The following NAALADL2 variants were observed in gnomAD, a reference collection of about 807,000 sequenced individuals.
The protein encoded by NAALADL2 is N-acetylated alpha-linked acidic dipeptidase like 2, also known as inactive N-acetylated-alpha-linked acidic dipeptidase-like protein 2.
Under a neutral mutation model 87.2 loss-of-function variants are expected in NAALADL2, and 76 were observed. That is an observed-to-expected ratio of 0.87 (90% CI 0.72 to 1.05). NAALADL2 has a LOEUF of 1.05. Among genes scored for constraint, NAALADL2 ranks in the 50% least tolerant of loss-of-function variants. NAALADL2 has a pLI of 0.00. For synonymous variants in NAALADL2, 354 were observed against 331.0 expected (o/e 1.07, Z -0.75); for missense variants, 1,089 against 945.8 (o/e 1.15, Z -1.99).
chr3:175,355,286 C>T (rs567673836), intron 5 of NAALADL2, among the ~76,000 whole-genome samples: 4 of 151,938 alleles, frequency 2.6e-5, no homozygotes, highest in East Asian at 3.9e-4. Flanking sequence ...AGGCTGGTCT[C>T]GAACTCCTGA....
chr3:175,148,845 C>A (rs995374301), intron 2 of NAALADL2, among the ~76,000 whole-genome samples: 2 of 152,010 alleles, frequency 1.3e-5, no homozygotes, highest in African/African-American at 4.8e-5. Flanking sequence ...TTTGCTGTAA[C>A]CTTAGAGAAT....
At chr3:174,532,649 C>T (rs567884032) in intron 1 of NAALADL2, among the ~76,000 whole-genome samples, 23 of 152,160 alleles carry the variant, frequency 1.5e-4, no homozygotes, top group Admixed American at 1.2e-3. Flanking sequence ...CGGTTGAGCC[C>T]CTGTTTCACT....
At chr3:175,202,829 C>T (rs1740250370) in intron 2 of NAALADL2, among the ~76,000 whole-genome samples, 1 of 151,930 alleles carries the variant, frequency 6.6e-6, no homozygotes, top group African/African-American at 2.4e-5. Context: ...GTTCCTATGT[C>T]AATGAAGTTG....
At chr3:174,894,160 A>AAT (rs903722863) in intron 1 of NAALADL2, among the ~76,000 whole-genome samples, 7 of 152,106 alleles carry the variant, frequency 4.6e-5, no homozygotes, top group Non-Finnish European at 8.8e-5. Flanking sequence ...AACAATTTTA[A>AAT]ATATATATAT....
rs535238389 is a variant in NAALADL2 at position 175,687,952 on chromosome 3, C to A, written c.1897-49354C>A. ...ATGCTGGGATCACACTTCTTGTACA[C>A]CCTGCAGAATTGTGAGCCAATTAAA... is the stretch of plus-strand genomic sequence containing the variant. On this transcript the variant is annotated intron_variant, in intron 11 of 13. Transcript: ENST00000454872. Among the ~76,000 whole-genome samples, 10 of 152,116 alleles carry A rather than the reference C, an allele frequency of 6.6e-5. 1 individual carries two copies. The East Asian group carries it at 1.2e-3, about 18-fold the overall frequency.
intron 1 of NAALADL2, among the ~76,000 whole-genome samples, chr3:174,522,633 T>A (rs1377893667): frequency 6.6e-6 from 1 of 151,914 alleles, no homozygotes; most frequent in Non-Finnish European, 1.5e-5. Flanking sequence ...ACCAAGACCG[T>A]GTCTTAAAAC....
At chr3:174,916,784 G>T (rs763744189) in intron 1 of NAALADL2, among the ~76,000 whole-genome samples, 2 of 152,018 alleles carry the variant, frequency 1.3e-5, no homozygotes, top group Non-Finnish European at 2.9e-5. Flanking sequence ...CAAGTGATGG[G>T]TGTACTAAAA....
chr3:175,553,258 T>A (rs1714722841), intron 9 of NAALADL2, among the ~76,000 whole-genome samples: 1 of 152,170 alleles, frequency 6.6e-6, no homozygotes, highest in South Asian at 2.1e-4. Context: ...TCTGGGTATC[T>A]CCTGACCATT....
chr3:174,783,235 C>T (rs969760763), intron 3 of NAALADL2, among the ~76,000 whole-genome samples: 2 of 152,168 alleles, frequency 1.3e-5, no homozygotes, highest in Admixed American at 6.6e-5. Context: ...TGTGATTTCT[C>T]ACTTGAGGGC....
intron 1 of NAALADL2, among the ~76,000 whole-genome samples, chr3:174,503,850 A>G (rs945118265): frequency 6.6e-6 from 1 of 152,148 alleles, no homozygotes. Context: ...TTATTGAAAT[A>G]TAATGAACCC....
At chr3:174,538,880 T>C (rs1270385367) in intron 1 of NAALADL2, among the ~76,000 whole-genome samples, 5 of 152,152 alleles carry the variant, frequency 3.3e-5, no homozygotes, top group Non-Finnish European at 7.4e-5. Flanking sequence ...ATGTACATCT[T>C]AGATACATTG....
At chr3:175,327,600 A>C (rs777760997) in intron 5 of NAALADL2, among the ~76,000 whole-genome samples, 13 of 152,214 alleles carry the variant, frequency 8.5e-5, no homozygotes, top group Non-Finnish European at 1.8e-4. Flanking sequence ...CAGGGTTGTT[A>C]GTACTTAGCT....
At chr3:175,393,516 T>A (rs13073345) in intron 5 of NAALADL2, among the ~76,000 whole-genome samples, 38,569 of 151,862 alleles carry the variant, frequency 0.25, 5,238 homozygotes, top group East Asian at 0.47. Flanking sequence ...GAACTACAAG[T>A]ATAGTGCAAA....
At chr3:175,402,025 T>C (rs927838437) in intron 5 of NAALADL2, among the ~76,000 whole-genome samples, 1 of 152,088 alleles carries the variant, frequency 6.6e-6, no homozygotes, top group Non-Finnish European at 1.5e-5. Context: ...CAAATCTATC[T>C]AACTTTCATC....
intron 10 of NAALADL2, among the ~76,000 whole-genome samples, chr3:175,615,037 A>G (rs1456501302): frequency 6.6e-6 from 1 of 152,234 alleles, no homozygotes; most frequent in Non-Finnish European, 1.5e-5. Flanking sequence ...ATTTCATGAG[A>G]GAAGAAATAT....
intron 9 of NAALADL2, among the ~76,000 whole-genome samples, chr3:175,476,035 A>C (rs1024607492): frequency 6.6e-6 from 1 of 152,178 alleles, no homozygotes; most frequent in South Asian, 2.1e-4. Context: ...ATGTTGTTGT[A>C]GTTGTAGTCG....
At chr3:174,599,503 C>T (rs1460741048) in intron 2 of NAALADL2, among the ~76,000 whole-genome samples, 9 of 151,834 alleles carry the variant, frequency 5.9e-5, no homozygotes, top group Non-Finnish European at 1.2e-4. Flanking sequence ...TGTGTGTGCA[C>T]CAGTAAAAGC....
intron 1 of NAALADL2, among the ~76,000 whole-genome samples, chr3:174,982,192 TG>T: frequency 6.6e-6 from 1 of 152,282 alleles, no homozygotes; most frequent in East Asian, 1.9e-4. Flanking sequence ...TTAGATAGTC[TG>T]GTTGAATCCA....
chr3:175,537,507 A>AT (rs928222625), intron 9 of NAALADL2, among the ~76,000 whole-genome samples: 1 of 152,230 alleles, frequency 6.6e-6, no homozygotes, highest in Non-Finnish European at 1.5e-5. Context: ...GTGTTCTCTT[A>AT]TACAAATAGC....
Sources: gnomAD v4.1 joint callset for allele counts (sites outside exome capture counted in the v4.1 genomes callset) on GRCh38, gnomAD v4.1.1 for gene constraint, MANE v1.5 for transcripts, NCBI Gene and HGNC (gene_info 2026-07-23, HGNC 2026-07-21) for gene names.